Variants in WDR70 observed in about 807,000 individuals in gnomAD.
WDR70 encodes the protein WD repeat-containing protein 70.
Under a neutral mutation model 88.6 loss-of-function variants are expected in WDR70, and 53 were observed. The observed-to-expected ratio is 0.60, with a 90% confidence interval of 0.48 to 0.75. The LOEUF is 0.75. Among genes scored for constraint, WDR70 ranks in the 30% least tolerant of loss-of-function variants. The pLI is 0.00. For missense variants in WDR70, 610 were observed against 823.2 expected (o/e 0.74, Z 3.17); for synonymous variants, 280 against 270.0 (o/e 1.04, Z -0.36).
At chr5:37,499,863 C>G (rs1209822274) in intron 8 of WDR70, among the ~76,000 whole-genome samples, 2 of 152,102 alleles carry the variant, frequency 1.3e-5, no homozygotes, top group African/African-American at 4.8e-5. Flanking sequence ...TCTGTTCATT[C>G]ACCTTGTAAA....
intron 9 of WDR70, among the ~76,000 whole-genome samples, chr5:37,603,944 A>G (rs1018025525): frequency 3.9e-5 from 6 of 152,312 alleles, no homozygotes; most frequent in African/African-American, 1.4e-4. Context: ...TAACCTTTAC[A>G]ATTATTGTCA....
intron 9 of WDR70, among the ~76,000 whole-genome samples, chr5:37,565,853 G>T (rs1742724331): frequency 6.6e-6 from 1 of 152,022 alleles, no homozygotes; most frequent in Admixed American, 6.6e-5. Flanking sequence ...ATAAATAGAA[G>T]ATTTGAATGT....
chr5:37,582,575 G>C (rs1435429306), intron 9 of WDR70, among the ~76,000 whole-genome samples: 1 of 152,216 alleles, frequency 6.6e-6, no homozygotes. Context: ...ACTACTAACT[G>C]TGTCACCATG....
intron 17 of WDR70, among the ~76,000 whole-genome samples, chr5:37,749,840 A>AAAG (rs1748751880): frequency 6.7e-6 from 1 of 150,328 alleles, no homozygotes; most frequent in Non-Finnish European, 1.5e-5. Context: ...GAAAAAAAAA[A>AAAG]CCAAAAACGC....
intron 10 of WDR70, among the ~76,000 whole-genome samples, chr5:37,614,558 A>G (rs1744277854): frequency 6.6e-6 from 1 of 152,226 alleles, no homozygotes. Flanking sequence ...CATGAAAATT[A>G]TATGAAATTC....
At chr5:37,742,262 TG>T (rs1439222330) in intron 17 of WDR70, among the ~76,000 whole-genome samples, 10 of 142,076 alleles carry the variant, frequency 7.0e-5, no homozygotes, top group Non-Finnish European at 1.2e-4. Context: ...TATTATCTGT[TG>T]TTTTTTTTTT....
intron 10 of WDR70, among the ~76,000 whole-genome samples, chr5:37,695,195 A>T (rs1746946613): frequency 6.6e-6 from 1 of 152,208 alleles, no homozygotes; most frequent in African/African-American, 2.4e-5. Context: ...CCACACACTT[A>T]AATCTCATGA....
chr5:37,640,318 T>G (rs1469724976), intron 10 of WDR70, among the ~76,000 whole-genome samples: 1 of 152,230 alleles, frequency 6.6e-6, no homozygotes, highest in Non-Finnish European at 1.5e-5. Context: ...ATTTGGACTG[T>G]GGGAGCAAAC....
chr5:37,683,012 G>T (rs1289013653), intron 10 of WDR70, among the ~76,000 whole-genome samples: 2 of 152,166 alleles, frequency 1.3e-5, no homozygotes, highest in Non-Finnish European at 2.9e-5. Context: ...TTGTGAATCT[G>T]GGTGCCCCTG....
chr5:37,593,912 A>AT (rs1053572406), intron 9 of WDR70, among the ~76,000 whole-genome samples: 1 of 152,048 alleles, frequency 6.6e-6, no homozygotes, highest in African/African-American at 2.4e-5. Context: ...GATGATGAGC[A>AT]TTTTTTCATG....
At chr5:37,701,785 CAAAAAA>C (rs58402399) in intron 12 of WDR70, among the ~76,000 whole-genome samples, 2 of 115,076 alleles carry the variant, frequency 1.7e-5, no homozygotes, top group Non-Finnish European at 1.7e-5. Flanking sequence ...GACTCCATCT[CAAAAAA>C]AAAAAAAAAA....
chr5:37,589,667 G>A (rs1743470458), intron 9 of WDR70, among the ~76,000 whole-genome samples: 1 of 152,178 alleles, frequency 6.6e-6, no homozygotes, highest in Admixed American at 6.5e-5. Context: ...TGCAGCCTCT[G>A]CCTCCTGGGT....
intron 17 of WDR70, among the ~76,000 whole-genome samples, chr5:37,751,456 T>G (rs1350012175): frequency 2.0e-5 from 3 of 152,222 alleles, no homozygotes; most frequent in Non-Finnish European, 4.4e-5. Context: ...TTCTAGTACA[T>G]GACTCATGTC....
At chr5:37,398,127 C>T (rs138801414) in intron 5 of WDR70, among the ~76,000 whole-genome samples, 3,713 of 123,868 alleles carry the variant, frequency 0.03, 73 homozygotes, top group Middle Eastern at 0.2. Context: ...CTCACTCTGT[C>T]ACCGAGGCTG....
At chr5:37,539,346 A>G (rs1345043439) in intron 9 of WDR70, among the ~76,000 whole-genome samples, 1 of 152,168 alleles carries the variant, frequency 6.6e-6, no homozygotes, top group African/African-American at 2.4e-5. Flanking sequence ...GAGGCTATGA[A>G]TGTGGGCCCT....
chr5:37,500,716 C>CTTTTTTTTTTTT lies in WDR70; in HGVS notation c.841-15783_841-15772dup, dbSNP rs550821207. Among the ~76,000 whole-genome samples the CTTTTTTTTTTTT allele has an allele frequency of 3.2e-4, 20 of 63,292 alleles. 5 individuals are homozygous for CTTTTTTTTTTTT. Among genetic ancestry groups the CTTTTTTTTTTTT allele is most frequent in the Non-Finnish European group, 5.9e-4 (19 of 32,346 alleles). The allele number at this position is 63,292 out of a possible 152,430, so 41.5% of individuals were successfully genotyped here. A position where few individuals can be genotyped will look rare whatever the true frequency, so the allele number is the denominator to read the frequency against. ...GAGCATTTTATCATATATTTGTTGG[C>CTTTTTTTTTTTT]TTTTTTTTTTTTTTTTTTTTTTTTT... is the stretch of plus-strand genomic sequence containing the variant. On this transcript the variant is annotated intron_variant, in intron 8 of 17. Transcript: ENST00000265107.
In WDR70 at chr5:37,510,961, C is replaced by T. The variant is rs544032526; in HGVS notation, c.841-5553C>T. ...CATCATACCAGGAAGTATGTGATGT[C>T]AGCTTCAGTTTGTCCTTGCATTGGT... On this transcript the variant is annotated intron_variant, in intron 8 of 17. Coordinates refer to ENST00000265107, the MANE Select transcript of WDR70 (RefSeq NM_018034.4). 1.1e-4 allele frequency among the ~76,000 whole-genome samples: 17 copies of T among 152,296 alleles called. No homozygotes were observed. The South Asian group carries it at 3.3e-3, about 30-fold the overall frequency.
chr5:37,445,358 T>C (rs1460368366), intron 7 of WDR70, among the ~76,000 whole-genome samples: 3 of 152,180 alleles, frequency 2.0e-5, no homozygotes, highest in Non-Finnish European at 4.4e-5. Context: ...CAGTGTCCAT[T>C]GATGATTTCT....
chr5:37,606,495 TG>T (rs1744034919), intron 10 of WDR70, among the ~76,000 whole-genome samples: 1 of 152,224 alleles, frequency 6.6e-6, no homozygotes, highest in Admixed American at 6.5e-5. Flanking sequence ...TAGTGTTTTT[TG>T]TATAGTGTAT....
Sources: gnomAD v4.1 joint callset for allele counts (sites outside exome capture counted in the v4.1 genomes callset) on GRCh38, gnomAD v4.1.1 for gene constraint, MANE v1.5 for transcripts, NCBI Gene and HGNC (gene_info 2026-07-23, HGNC 2026-07-21) for gene names.